Variants in DPYSL3 observed in about 807,000 individuals in gnomAD.
DPYSL3 encodes dihydropyrimidinase-related protein 3.
In DPYSL3, 16 loss-of-function variants were observed where a neutral mutation model predicts 66.1. That is an observed-to-expected ratio of 0.24 (90% CI 0.16 to 0.37). The LOEUF (loss-of-function observed/expected upper bound fraction) is 0.37. DPYSL3 is among the 10% of genes least tolerant of loss of function. DPYSL3 has a pLI of 1.00. For synonymous variants in DPYSL3, 338 were observed against 345.1 expected (o/e 0.98, Z 0.23); for missense variants, 738 against 916.2 (o/e 0.81, Z 2.51).
intron 4 of DPYSL3, among the ~76,000 whole-genome samples, chr5:147,414,640 T>C (rs1485968616): frequency 1.3e-5 from 2 of 152,182 alleles, no homozygotes; most frequent in Admixed American, 1.3e-4. Flanking sequence ...GAAGTGAGTG[T>C]TAAAGCCGTT....
chr5:147,403,068 T>G (rs1228881658), intron 8 of DPYSL3, among the ~76,000 whole-genome samples: 1 of 152,182 alleles, frequency 6.6e-6, no homozygotes, highest in African/African-American at 2.4e-5. Flanking sequence ...CAACTGGTAA[T>G]AGTTGCCTAG....
At chr5:147,453,983 C>CTT (rs77634681) in intron 1 of DPYSL3, 38 of 164,112 alleles carry the variant, frequency 2.3e-4, no homozygotes, top group East Asian at 7.4e-4. Flanking sequence ...CTTTTTCTTT[C>CTT]TTTTTTTTTT....
At chr5:147,412,086 G>A (rs535101945) in intron 6 of DPYSL3, among the ~76,000 whole-genome samples, 1 of 152,042 alleles carries the variant, frequency 6.6e-6, no homozygotes, top group East Asian at 1.9e-4. Flanking sequence ...TTGGGCCTTG[G>A]GGCCCTCACT....
At chr5:147,508,798 G>A (rs369858325) in intron 1 of DPYSL3, among the ~76,000 whole-genome samples, 12 of 152,314 alleles carry the variant, frequency 7.9e-5, no homozygotes, top group African/African-American at 2.6e-4. Flanking sequence ...TATTCTTGCA[G>A]AGGCAGCTGG....
chr5:147,457,698 A>G lies in DPYSL3; in HGVS notation c.382-32735T>C, dbSNP rs1000766022. Among the ~76,000 whole-genome samples, 47 of 152,240 alleles carry G rather than the reference A, an allele frequency of 3.1e-4. 1 individual carries two copies. The highest frequency in any genetic ancestry group is 7.3e-5 in the Non-Finnish European group (5 of 68,044). ...CTGGGCACTGATTAGTTTTATGCCA[A>G]TGAGGCTGATTCAGTCAGGAGAGGA... On this transcript the variant is annotated intron_variant, in intron 1 of 13. Transcript: ENST00000343218.
intron 6 of DPYSL3, 147 bp from the exon 7 acceptor site, chr5:147,408,943 G>T: frequency 1.3e-6 from 1 of 746,400 alleles, no homozygotes; most frequent in Non-Finnish European, 2.2e-6. Context: ...TTGCAATATA[G>T]GGTAGACTCA....
rs576524024 is a variant in DPYSL3 at position 147,494,827 on chromosome 5, C to T, written c.381+14651G>A. Reference sequence around the variant, plus strand: ...CCGGGAGGCAGAGCTTGCAGTGAGCCGAGATCGCGCCACTGCACTCCAGCC... The same window carrying T: ...CCGGGAGGCAGAGCTTGCAGTGAGCTGAGATCGCGCCACTGCACTCCAGCC... On this transcript the variant is annotated intron_variant, in intron 1 of 13. Coordinates refer to ENST00000343218, the MANE Select transcript of DPYSL3 (RefSeq NM_001197294.2). 1.2e-3 allele frequency among the ~76,000 whole-genome samples: 179 copies of T among 150,464 alleles called. 2 individuals are homozygous for T. Among genetic ancestry groups the T allele is most frequent in the African/African-American group, 4.0e-3 (165 of 41,102 alleles).
chr5:147,424,867 A>G lies in DPYSL3; in HGVS notation c.470+8T>C, dbSNP rs1752166490. On this transcript the variant is annotated splice_region_variant and intron_variant, in intron 2 of 13. Coordinates refer to ENST00000343218, the MANE Select transcript of DPYSL3 (RefSeq NM_001197294.2). ...AAAACAATAAAGAGAAGAATTCCAT[A>G]TACATACTTTATTAAGCCATCTTCC... is the stretch of plus-strand genomic sequence containing the variant. 2 of 1,592,764 alleles carry G rather than the reference A, an allele frequency of 1.3e-6. No individual in the cohort carries two copies. Among genetic ancestry groups the G allele is most frequent in the Non-Finnish European group, 1.7e-6 (2 of 1,163,520 alleles).
intron 2 of DPYSL3, among the ~76,000 whole-genome samples, chr5:147,420,118 C>T (rs1284192900): frequency 5.9e-5 from 9 of 152,156 alleles, no homozygotes; most frequent in Admixed American, 2.6e-4. Context: ...TAGCAAAATC[C>T]AAGTCTAATA....
intron 1 of DPYSL3, among the ~76,000 whole-genome samples, chr5:147,447,944 G>A (rs1029931182): frequency 1.3e-5 from 2 of 152,212 alleles, no homozygotes; most frequent in Non-Finnish European, 2.9e-5. Context: ...TTCATCAAAG[G>A]ATGAAAACAT....
intron 6 of DPYSL3, among the ~76,000 whole-genome samples, chr5:147,411,578 A>G (rs1158033954): frequency 2.0e-5 from 3 of 152,178 alleles, no homozygotes; most frequent in Non-Finnish European, 4.4e-5. Context: ...GCATCTTTAA[A>G]GGGTTGGGTG....
chr5:147,496,894 T>C (rs1169061899), intron 1 of DPYSL3, among the ~76,000 whole-genome samples: 2 of 152,090 alleles, frequency 1.3e-5, no homozygotes, highest in Non-Finnish European at 2.9e-5. Flanking sequence ...GCCATCCCAT[T>C]ACTGGGTATA....
chr5:147,399,835 C>T (rs1347943667), intron 10 of DPYSL3, among the ~76,000 whole-genome samples: 1 of 152,118 alleles, frequency 6.6e-6, no homozygotes, highest in Non-Finnish European at 1.5e-5. Flanking sequence ...TAAATACATA[C>T]GTACTGCTCT....
chr5:147,466,325 A>G (rs1753010058), intron 1 of DPYSL3, among the ~76,000 whole-genome samples: 1 of 152,154 alleles, frequency 6.6e-6, no homozygotes, highest in Non-Finnish European at 1.5e-5. Context: ...GAGAATAGGG[A>G]GTCTGTGTCT....
At position 147,480,816 on chromosome 5, in the gene DPYSL3, G is replaced by A. The variant is rs182131170; in HGVS notation, c.381+28662C>T. ...CAGCTCACTGCAACCTCCACCTCCCGGGTTTAAGCGATTCTTCTGCCTTAG... is the reference window on the plus strand; with the variant it reads ...CAGCTCACTGCAACCTCCACCTCCCAGGTTTAAGCGATTCTTCTGCCTTAG... On this transcript the variant is annotated intron_variant, in intron 1 of 13. Coordinates refer to ENST00000343218, the MANE Select transcript of DPYSL3 (RefSeq NM_001197294.2). Among the ~76,000 whole-genome samples the A allele has an allele frequency of 8.7e-4, 131 of 151,346 alleles. No individual in the cohort carries two copies. In the Middle Eastern group the frequency reaches 0.014, roughly 16 times the overall value.
intron 1 of DPYSL3, among the ~76,000 whole-genome samples, chr5:147,471,516 T>A (rs1333517940): frequency 6.6e-6 from 1 of 152,138 alleles, no homozygotes; most frequent in African/African-American, 2.4e-5. Context: ...CAATTTCCAA[T>A]TGGAAAGAAT....
Position 147,429,126 on chromosome 5 carries a change from T to C in DPYSL3, c.382-4163A>G, listed in dbSNP as rs541127516. On this transcript the variant is annotated intron_variant, in intron 1 of 13. Transcript: ENST00000343218. ...AATCTTTCTAATGTAATTATGTATA[T>C]ATATAAAGAATGATGATACCACTAG... is the stretch of plus-strand genomic sequence containing the variant. Among the ~76,000 whole-genome samples the C allele has an allele frequency of 4.6e-5, 7 of 152,230 alleles. No individual in the cohort carries two copies. In the South Asian group the frequency reaches 8.3e-4, roughly 18 times the overall value.
chr5:147,413,266 G>T (rs1751893472), intron 5 of DPYSL3, among the ~76,000 whole-genome samples: 1 of 152,092 alleles, frequency 6.6e-6, no homozygotes, highest in Non-Finnish European at 1.5e-5. Flanking sequence ...AGGCCCTCCT[G>T]GTCCTGCAGG....
In DPYSL3 at chr5:147,412,653, C is replaced by T. The variant is rs776774448; in HGVS notation, c.918G>A (p.Gly306=). 23 of 1,612,680 alleles carry T rather than the reference C, an allele frequency of 1.4e-5. No individual in the cohort carries two copies. In the East Asian group the frequency reaches 4.5e-4, roughly 31 times the overall value. The part of the protein sequence containing the change: ...YEIFTCLGEL[G]AIAQVHAENG... Reference sequence around the variant, plus strand: ...TCTCAGCATGAACTTGAGCAATGGCCCCCAGCTCTCCCAGGCAGGTGAAGA... The same window carrying T: ...TCTCAGCATGAACTTGAGCAATGGCTCCCAGCTCTCCCAGGCAGGTGAAGA... The change falls in exon 6 of 14, where the codon GGG becomes GGA. Residue 306 remains glycine, a synonymous_variant. Transcript: ENST00000343218.
Sources: allele counts gnomAD v4.1 joint callset (sites outside exome capture counted in the v4.1 genomes callset), GRCh38; gene constraint gnomAD v4.1.1; transcripts MANE v1.5; gene names NCBI Gene and HGNC (gene_info 2026-07-23, HGNC 2026-07-21).